GPNMB: variants seen among roughly 807,000 people sequenced by gnomAD.
GPNMB encodes glycoprotein nmb.
In GPNMB, 71 loss-of-function variants were observed where a neutral mutation model predicts 57.3. The ratio of observed to expected loss-of-function variants is 1.24; its 90% CI spans 1.02 to 1.51. The LOEUF is 1.51. GPNMB is among the 40% of genes most tolerant of loss of function. The pLI, the probability that GPNMB is intolerant of heterozygous loss-of-function variation, is 0.00. For missense variants in GPNMB, 677 were observed against 691.9 expected (o/e 0.98, Z 0.24); for synonymous variants, 253 against 263.2 (o/e 0.96, Z 0.38).
chr7:23,249,197 C>T (rs1782606500), intron 1 of GPNMB, among the ~76,000 whole-genome samples: 1 of 152,234 alleles, frequency 6.6e-6, no homozygotes, highest in Non-Finnish European at 1.5e-5. Flanking sequence ...GTTGGGATTA[C>T]AGGCATGAGC....
chr7:23,271,787 C>T (rs1783212038), intron 9 of GPNMB, among the ~76,000 whole-genome samples: 1 of 152,032 alleles, frequency 6.6e-6, no homozygotes, highest in African/African-American at 2.4e-5. Context: ...CAGAGTGAGA[C>T]TCCATCTCAA....
intron 3 of GPNMB, among the ~76,000 whole-genome samples, chr7:23,255,615 G>T: frequency 6.6e-6 from 1 of 151,904 alleles, no homozygotes; most frequent in African/African-American, 2.4e-5. Context: ...TTAGTTTTTT[G>T]AGGAACCTCC....
intron 1 of GPNMB, among the ~76,000 whole-genome samples, chr7:23,252,395 G>C (rs73277837): frequency 0.016 from 2,366 of 152,248 alleles, 59 homozygotes; most frequent in African/African-American, 0.055. Flanking sequence ...AGGATGAGTA[G>C]AAACATACAT....
intron 8 of GPNMB, among the ~76,000 whole-genome samples, chr7:23,268,541 T>G (rs1209640737): frequency 6.6e-6 from 1 of 152,264 alleles, no homozygotes; most frequent in Non-Finnish European, 1.5e-5. Context: ...CATGACCATA[T>G]GTAATAAACT....
chr7:23,256,789 TAGTTATG>T (rs1470457410), intron 3 of GPNMB, 96 bp from the exon 4 acceptor site: 1 of 855,302 alleles, frequency 1.2e-6, no homozygotes, highest in East Asian at 2.5e-5. Flanking sequence ...ACTTTTAAAC[TAGTTATG>T]AAAAAAATAC....
intron 9 of GPNMB, 72 bp from the exon 10 acceptor site, chr7:23,273,449 T>C (rs1783258560): frequency 2.1e-6 from 2 of 946,074 alleles, no homozygotes; most frequent in Non-Finnish European, 3.4e-6. Flanking sequence ...TCCTCATTTA[T>C]TTAATGGCAT....
chr7:23,255,093 A>G (rs1226101899), intron 3 of GPNMB, among the ~76,000 whole-genome samples: 3 of 152,164 alleles, frequency 2.0e-5, no homozygotes. Context: ...ATCTTGGTTC[A>G]CTGCAGTCTT....
chr7:23,266,795 C>A (rs1054290390), intron 7 of GPNMB, among the ~76,000 whole-genome samples, 180 bp downstream of exon 7: 1 of 152,194 alleles, frequency 6.6e-6, no homozygotes, highest in Admixed American at 6.5e-5. Flanking sequence ...CCACCTGCCT[C>A]CCCGGCCTTC....
At chr7:23,255,112 G>A (rs983027255) in intron 3 of GPNMB, among the ~76,000 whole-genome samples, 3 of 152,108 alleles carry the variant, frequency 2.0e-5, no homozygotes, top group African/African-American at 4.8e-5. Flanking sequence ...TTTGCCTCCC[G>A]GGTTCAAATG....
In GPNMB at chr7:23,254,313, GT is replaced by G; in HGVS notation, c.367+2del. On this transcript the variant is annotated splice_donor_variant, in intron 3 of 10. Transcript: ENST00000258733. LOFTEE classifies it high-confidence loss of function. ...GTCTATGAGAAGAACTGCAGAAATG[GT>G]AAGAACACAGTATTCTCCTAAACTA... 1 of 1,612,136 alleles carries G rather than the reference GT, an allele frequency of 6.2e-7. No individual in the cohort carries two copies. Among genetic ancestry groups the G allele is most frequent in the Non-Finnish European group, 8.5e-7 (1 of 1,178,406 alleles).
At chr7:23,256,184 G>C (rs1040085825) in intron 3 of GPNMB, among the ~76,000 whole-genome samples, 2 of 152,130 alleles carry the variant, frequency 1.3e-5, no homozygotes, top group African/African-American at 2.4e-5. Flanking sequence ...GGGATTACAG[G>C]TGTGAGCCAC....
At chr7:23,273,720 G>A (rs1783268587) in intron 10 of GPNMB, 106 bp downstream of exon 10, 1 of 732,846 alleles carries the variant, frequency 1.4e-6, no homozygotes, top group Non-Finnish European at 2.4e-6. Flanking sequence ...TAAACATTTT[G>A]TGTAGGGGAG....
In GPNMB at chr7:23,270,087, T is replaced by A. The variant is rs776535362; in HGVS notation, c.1341T>A (p.Asn447Lys). ...MCLLTVRRTFNGSGTYCVNLT... is the reference protein window; with the variant it reads ...MCLLTVRRTFKGSGTYCVNLT... ...TGCTGACTGTGAGACGAACCTTCAA[T>A]GGGTCTGGGACGTACTGTGTGAACC... The change falls in exon 9 of 11, where the codon AAT becomes AAA. Residue 447 changes from asparagine to lysine, a missense_variant. Physicochemically the swap from Asn to Lys is moderately conservative, Grantham distance 94. Coordinates refer to ENST00000258733, the MANE Select transcript of GPNMB (RefSeq NM_002510.3). 1.9e-6 allele frequency: 3 copies of A among 1,614,108 alleles called. No individual in the cohort carries two copies. The highest frequency in any genetic ancestry group is 3.3e-5 in the Admixed American group (2 of 60,020).
rs200582723 is a variant in GPNMB at position 23,268,001 on chromosome 7, T to C, written c.1220+13T>C. On this transcript the variant is annotated intron_variant, in intron 8 of 10. Transcript: ENST00000258733. Reference sequence around the variant, plus strand: ...CCTGCCAAGGGAGGTGAGTATATTATCTCCGACAGAGGCATGGGTGGGTCA... The same window carrying C: ...CCTGCCAAGGGAGGTGAGTATATTACCTCCGACAGAGGCATGGGTGGGTCA... 3.2e-4 allele frequency: 485 copies of C among 1,517,016 alleles called. 4 individuals are homozygous for C. In the African/African-American group the frequency reaches 7.5e-3, roughly 23 times the overall value. The allele number at this position is 1,517,016 out of a possible 1,614,324, so 94.0% of individuals were successfully genotyped here. A position where few individuals can be genotyped will look rare whatever the true frequency, so the allele number is the denominator to read the frequency against.
chr7:23,253,260 G>A (rs1562632499), intron 1 of GPNMB, 47 bp from the exon 2 acceptor site: 1 of 1,558,124 alleles, frequency 6.4e-7, no homozygotes, highest in Admixed American at 1.7e-5. Flanking sequence ...ACCACTGTGA[G>A]GTGATTACTA....
chr7:23,254,061 A>G, intron 2 of GPNMB, 108 bp from the exon 3 acceptor site: 1 of 811,210 alleles, frequency 1.2e-6, no homozygotes, highest in African/African-American at 1.8e-5. Context: ...ATATATTATA[A>G]AGAGGCATAT....
chr7:23,270,594 T>C (rs993721334), intron 9 of GPNMB, among the ~76,000 whole-genome samples: 21 of 152,202 alleles, frequency 1.4e-4, no homozygotes, highest in Non-Finnish European at 3.1e-4. Flanking sequence ...AGCAAAGATA[T>C]GAAGCCTGGA....
At chr7:23,268,222 A>C (rs976804547) in intron 8 of GPNMB, among the ~76,000 whole-genome samples, 12 of 152,228 alleles carry the variant, frequency 7.9e-5, no homozygotes, top group African/African-American at 2.9e-4. Flanking sequence ...TTGAATAATA[A>C]TTATGATAAC....
chr7:23,248,478 A>G (rs1782587229), intron 1 of GPNMB, among the ~76,000 whole-genome samples: 1 of 152,190 alleles, frequency 6.6e-6, no homozygotes, highest in African/African-American at 2.4e-5. Flanking sequence ...CTTGCTCTGG[A>G]CTAAATATTC....
Sources: gnomAD v4.1 joint callset for allele counts (sites outside exome capture counted in the v4.1 genomes callset) on GRCh38, gnomAD v4.1.1 for gene constraint, MANE v1.5 for transcripts, NCBI Gene and HGNC (gene_info 2026-07-23, HGNC 2026-07-21) for gene names.